CYP4X1: variants seen among roughly 807,000 people sequenced by gnomAD.
The protein encoded by CYP4X1 is cytochrome P450 family 4 subfamily X member 1.
Under a neutral mutation model 57.9 loss-of-function variants are expected in CYP4X1, and 44 were observed. That is an observed-to-expected ratio of 0.76 (90% CI 0.60 to 0.98). The LOEUF (loss-of-function observed/expected upper bound fraction) is 0.98, where lower values mean the gene tolerates loss of function less well. Ranked by LOEUF, CYP4X1 falls within the 50% of genes least tolerant of loss-of-function variation. CYP4X1 has a pLI of 0.00. For missense variants in CYP4X1, 532 were observed against 623.9 expected, an observed-to-expected ratio of 0.85 and a Z score of 1.57; for synonymous variants, 227 against 228.6, an observed-to-expected ratio of 0.99 and a Z score of 0.06.
chr1:47,006,871 G>A, the CYP4X1 span, among the ~76,000 whole-genome samples: 3 of 152,228 alleles, frequency 2.0e-5, no homozygotes, highest in South Asian at 2.1e-4. Context: ...AGGCGGCAGC[G>A]AGGCTGGGGG....
intron 9 of CYP4X1, among the ~76,000 whole-genome samples, chr1:47,047,137 A>T (rs559024951): frequency 6.6e-6 from 1 of 152,298 alleles, no homozygotes; most frequent in Admixed American, 6.5e-5. Context: ...AGTACTTTCA[A>T]TGTGGCCCAA....
intron 3 of CYP4X1, among the ~76,000 whole-genome samples, chr1:47,031,873 C>G (rs1361633823): frequency 6.6e-6 from 1 of 152,146 alleles, no homozygotes; most frequent in Non-Finnish European, 1.5e-5. Flanking sequence ...GAAATCCCAT[C>G]TCTACTAAAA....
intron 8 of CYP4X1, among the ~76,000 whole-genome samples, chr1:47,045,983 C>T (rs1644296695): frequency 6.6e-6 from 1 of 152,180 alleles, no homozygotes; most frequent in East Asian, 1.9e-4. Flanking sequence ...CCTGTACTCC[C>T]CAAACTCCAA....
At chr1:47,039,827 A>C (rs1036191388) in intron 8 of CYP4X1, 2 of 189,482 alleles carry the variant, frequency 1.1e-5, no homozygotes, top group African/African-American at 4.7e-5. Flanking sequence ...GGAAATGAGG[A>C]CTTGATCCCT....
At position 47,046,636 on chromosome 1, in the gene CYP4X1, C is replaced by T. The variant is rs768169853; in HGVS notation, c.1207+36C>T. The T allele has an allele frequency of 4.3e-6, 7 of 1,613,676 alleles. No homozygotes were observed. In the South Asian group the frequency reaches 5.5e-5, roughly 13 times the overall value. On this transcript the variant is annotated intron_variant, in intron 9 of 11. Coordinates refer to ENST00000371901, the MANE Select transcript of CYP4X1 (RefSeq NM_178033.2). Reference sequence around the variant, plus strand: ...TCTTTTCCTAAGCAGTTCTTAGAGGCTATGGGATCCTGGAGACCACAGTGA... The same window carrying T: ...TCTTTTCCTAAGCAGTTCTTAGAGGTTATGGGATCCTGGAGACCACAGTGA...
At chr1:47,009,617 C>T in the CYP4X1 span, among the ~76,000 whole-genome samples, 1 of 152,012 alleles carries the variant, frequency 6.6e-6, no homozygotes, top group Non-Finnish European at 1.5e-5. Context: ...TCAATGAATC[C>T]CAGAGCTGGT....
intron 1 of CYP4X1, among the ~76,000 whole-genome samples, chr1:47,028,728 A>T (rs976645997): frequency 2.0e-5 from 3 of 152,218 alleles, no homozygotes; most frequent in Non-Finnish European, 4.4e-5. Context: ...AACAATTGTC[A>T]TATTAGTTTA....
the CYP4X1 span, among the ~76,000 whole-genome samples, chr1:46,991,919 G>A: frequency 6.6e-6 from 1 of 152,158 alleles, no homozygotes; most frequent in Non-Finnish European, 1.5e-5. Flanking sequence ...AAAATGAAAT[G>A]AGCTGGCTTT....
the CYP4X1 span, among the ~76,000 whole-genome samples, chr1:47,003,811 A>C: frequency 1.3e-5 from 2 of 152,146 alleles, no homozygotes; most frequent in Non-Finnish European, 1.5e-5. Context: ...TCAACATGAG[A>C]TTTGAGCAGA....
At chr1:46,998,739 T>A in the CYP4X1 span, among the ~76,000 whole-genome samples, 2 of 146,586 alleles carry the variant, frequency 1.4e-5, no homozygotes, top group Admixed American at 7.0e-5. Flanking sequence ...CCATCTTGAG[T>A]GAATTTTTGT....
chr1:47,008,675 A>G, the CYP4X1 span, among the ~76,000 whole-genome samples: 1 of 152,190 alleles, frequency 6.6e-6, no homozygotes, highest in Admixed American at 6.5e-5. Flanking sequence ...TATTCAGGAA[A>G]CCCATCTCAT....
chr1:47,050,100 A>G lies in CYP4X1; in HGVS notation c.1456A>G (p.Thr486Ala). ...RVTPDPTRPL[T>A]FPNHFILKPK... ...GACTCCAGACCCCACCAGGCCTCTT[A>G]CTTTCCCCAACCATTTTATCCTCAA... The change falls in exon 12 of 12, where the codon ACT becomes GCT. Residue 486 changes from threonine (T) to alanine (A), a missense_variant. Coordinates refer to ENST00000371901, the MANE Select transcript of CYP4X1 (RefSeq NM_178033.2). 2 of 1,614,052 alleles carry G rather than the reference A, an allele frequency of 1.2e-6. No homozygotes were observed. Among genetic ancestry groups the G allele is most frequent in the South Asian group, 1.1e-5 (1 of 91,082 alleles).
chr1:47,014,977 G>A, the CYP4X1 span, among the ~76,000 whole-genome samples: 1 of 152,126 alleles, frequency 6.6e-6, no homozygotes. Context: ...AGGAGGTTAG[G>A]GGTAGTCTTT....
the CYP4X1 span, among the ~76,000 whole-genome samples, chr1:46,991,457 C>T: frequency 6.6e-6 from 1 of 152,174 alleles, no homozygotes; most frequent in Admixed American, 6.5e-5. Flanking sequence ...ATTCCTACAA[C>T]TTAGCATCTC....
At chr1:46,965,869 G>A in the CYP4X1 span, among the ~76,000 whole-genome samples, 5 of 152,340 alleles carry the variant, frequency 3.3e-5, no homozygotes, top group East Asian at 7.7e-4. Flanking sequence ...CATCCTGGGA[G>A]AGACCAGAGC....
the CYP4X1 span, among the ~76,000 whole-genome samples, chr1:46,968,516 C>T: frequency 6.6e-6 from 1 of 152,194 alleles, no homozygotes; most frequent in South Asian, 2.1e-4. Flanking sequence ...TCTCCTTCCA[C>T]CACTGCCTGT....
chr1:46,991,735 A>C, the CYP4X1 span, among the ~76,000 whole-genome samples: 2 of 152,158 alleles, frequency 1.3e-5, no homozygotes, highest in African/African-American at 2.4e-5. Context: ...CTCGGGAGTG[A>C]CAGGAGGACA....
the CYP4X1 span, among the ~76,000 whole-genome samples, chr1:46,985,620 G>A: frequency 1.3e-5 from 2 of 152,240 alleles, no homozygotes; most frequent in African/African-American, 2.4e-5. Flanking sequence ...GGAGAGCTCC[G>A]GCTGGCATCT....
chr1:47,054,781 C>T (rs550192477), downstream of CYP4X1, among the ~76,000 whole-genome samples: 61 of 152,254 alleles, frequency 4.0e-4, no homozygotes, highest in South Asian at 0.012. Context: ...TATCCTGAGA[C>T]TTTGCTGAAG....
Sources: gnomAD v4.1 joint callset for allele counts (sites outside exome capture counted in the v4.1 genomes callset) on GRCh38, gnomAD v4.1.1 for gene constraint, MANE v1.5 for transcripts, NCBI Gene and HGNC (gene_info 2026-07-23, HGNC 2026-07-21) for gene names.